Variants in SPATA17 observed in about 807,000 individuals in gnomAD.
SPATA17 encodes the protein spermatogenesis-associated protein 17.
A neutral mutation model predicts 62.2 loss-of-function variants in SPATA17; 53 were observed. The observed-to-expected ratio is 0.85, with a 90% CI of 0.68 to 1.07. The LOEUF is 1.07. Ranked by LOEUF, SPATA17 falls within the 50% of genes least tolerant of loss-of-function variation. The pLI, the probability that SPATA17 is intolerant of heterozygous loss-of-function variation, is 0.00. For synonymous variants in SPATA17, 146 were observed against 146.8 expected (o/e 0.99, Z 0.04); for missense variants, 466 against 425.5 (o/e 1.10, Z -0.84).
intron 9 of SPATA17, among the ~76,000 whole-genome samples, chr1:217,803,802 G>C (rs2102988754): frequency 6.6e-6 from 1 of 152,280 alleles, no homozygotes; most frequent in South Asian, 2.1e-4. Flanking sequence ...CAGATCACTT[G>C]AGATCAGGAG....
At chr1:217,785,482 T>A (rs986343368) in intron 8 of SPATA17, among the ~76,000 whole-genome samples, 1 of 152,026 alleles carries the variant, frequency 6.6e-6, no homozygotes, top group Non-Finnish European at 1.5e-5. Context: ...GCCACACTTT[T>A]AAACAACCAG....
chr1:217,865,586 A>G (rs1675992505), intron 10 of SPATA17, among the ~76,000 whole-genome samples: 1 of 152,194 alleles, frequency 6.6e-6, no homozygotes, highest in Admixed American at 6.5e-5. Context: ...TCCCAAAAGC[A>G]GTTTGGTCTA....
chr1:217,702,810 C>T (rs11117912), intron 5 of SPATA17, among the ~76,000 whole-genome samples: 4 of 151,878 alleles, frequency 2.6e-5, no homozygotes, highest in South Asian at 4.2e-4. Context: ...TATGTTCTAT[C>T]GAATGATAGT....
At chr1:217,846,594 T>C (rs1015304028) in intron 9 of SPATA17, among the ~76,000 whole-genome samples, 4 of 152,100 alleles carry the variant, frequency 2.6e-5, no homozygotes, top group Non-Finnish European at 5.9e-5. Flanking sequence ...TACTAGTAAT[T>C]CATGTTTATC....
At chr1:217,676,470 A>C (rs987945949) in intron 4 of SPATA17, among the ~76,000 whole-genome samples, 1 of 152,150 alleles carries the variant, frequency 6.6e-6, no homozygotes, top group African/African-American at 2.4e-5. Context: ...AACATTTTTA[A>C]AACATTAGGA....
chr1:217,688,113 C>T (rs2102909805), intron 5 of SPATA17, among the ~76,000 whole-genome samples: 1 of 152,164 alleles, frequency 6.6e-6, no homozygotes, highest in South Asian at 2.1e-4. Flanking sequence ...GCCTGTAGTC[C>T]CAACTACTTG....
At chr1:217,846,212 C>T (rs544749374) in intron 9 of SPATA17, among the ~76,000 whole-genome samples, 23 of 152,058 alleles carry the variant, frequency 1.5e-4, no homozygotes, top group South Asian at 1.5e-3. Context: ...ACACCTATAT[C>T]GTAATCTATA....
intron 5 of SPATA17, among the ~76,000 whole-genome samples, chr1:217,685,168 G>A (rs535752501): frequency 6.6e-6 from 1 of 152,230 alleles, no homozygotes; most frequent in South Asian, 2.1e-4. Context: ...TTTTAAGGGA[G>A]GGAGGTGCTC....
chr1:217,706,543 T>TGAAAAA (rs1671741436), intron 5 of SPATA17, among the ~76,000 whole-genome samples: 2 of 152,216 alleles, frequency 1.3e-5, no homozygotes, highest in African/African-American at 4.8e-5. Context: ...TCTCACACGT[T>TGAAAAA]CTTGCTCTTG....
chr1:217,668,931 T>A, intron 3 of SPATA17, 102 bp from the exon 4 acceptor site: 1 of 983,926 alleles, frequency 1.0e-6, no homozygotes, highest in Non-Finnish European at 1.6e-6. Context: ...AGAACTCTTA[T>A]TATGTATTAT....
intron 5 of SPATA17, among the ~76,000 whole-genome samples, chr1:217,713,637 T>A (rs543368291): frequency 2.6e-5 from 4 of 152,116 alleles, no homozygotes; most frequent in Non-Finnish European, 4.4e-5. Context: ...TTTCTCTCAG[T>A]TTTTTCAGAA....
intron 7 of SPATA17, among the ~76,000 whole-genome samples, chr1:217,781,867 T>C (rs1673734709): frequency 6.6e-6 from 1 of 152,156 alleles, no homozygotes; most frequent in Non-Finnish European, 1.5e-5. Flanking sequence ...ATGTGCTTTG[T>C]AAAATTAGAA....
intron 9 of SPATA17, among the ~76,000 whole-genome samples, chr1:217,817,838 C>T (rs1674761831): frequency 6.6e-6 from 1 of 152,020 alleles, no homozygotes; most frequent in African/African-American, 2.4e-5. Context: ...GCTTAGTGTA[C>T]AGGCATGGCC....
chr1:217,710,240 G>A (rs1253476941), intron 5 of SPATA17, among the ~76,000 whole-genome samples: 2 of 152,084 alleles, frequency 1.3e-5, no homozygotes, highest in African/African-American at 4.8e-5. Flanking sequence ...TTTGCGCTTG[G>A]TAGACATGTT....
intron 7 of SPATA17, among the ~76,000 whole-genome samples, chr1:217,780,717 A>G (rs1673709884): frequency 6.6e-6 from 1 of 152,170 alleles, no homozygotes; most frequent in Non-Finnish European, 1.5e-5. Context: ...ACTAATAATT[A>G]TGATGGTAAT....
At chr1:217,804,866 A>G (rs950612385) in intron 9 of SPATA17, among the ~76,000 whole-genome samples, 4 of 152,208 alleles carry the variant, frequency 2.6e-5, no homozygotes, top group Non-Finnish European at 5.9e-5. Flanking sequence ...TAGAATGGCT[A>G]TTACCAAAAA....
At chr1:217,786,753 C>A in intron 8 of SPATA17, among the ~76,000 whole-genome samples, 1 of 74,626 alleles carries the variant, frequency 1.3e-5, no homozygotes, top group Admixed American at 1.5e-4. Context: ...TATTCTCTTT[C>A]TTCTTCTTCT....
intron 6 of SPATA17, among the ~76,000 whole-genome samples, chr1:217,762,926 C>G (rs1321008386): frequency 6.6e-6 from 1 of 152,142 alleles, no homozygotes; most frequent in African/African-American, 2.4e-5. Flanking sequence ...TGCATTCCAT[C>G]TTGGGTGACA....
chr1:217,847,562 G>T (rs968940306), intron 9 of SPATA17, among the ~76,000 whole-genome samples: 1 of 152,110 alleles, frequency 6.6e-6, no homozygotes, highest in Non-Finnish European at 1.5e-5. Flanking sequence ...AAAGCTTGTA[G>T]AGGGGGTTGG....
Sources: allele counts gnomAD v4.1 joint callset (sites outside exome capture counted in the v4.1 genomes callset), GRCh38; gene constraint gnomAD v4.1.1; transcripts MANE v1.5; gene names NCBI Gene and HGNC (gene_info 2026-07-23, HGNC 2026-07-21).